Variants in CWC22 observed in about 807,000 individuals in gnomAD.
CWC22 encodes the protein pre-mRNA-splicing factor CWC22 homolog.
Under a neutral mutation model 117.2 loss-of-function variants are expected in CWC22, and 53 were observed. The ratio of observed to expected loss-of-function variants is 0.45; its 90% CI spans 0.36 to 0.57. The LOEUF (loss-of-function observed/expected upper bound fraction) is 0.57, where lower values mean the gene tolerates loss of function less well. Ranked by LOEUF, CWC22 falls within the 20% of genes least tolerant of loss-of-function variation. CWC22 has a pLI of 0.00. For missense variants in CWC22, 980 were observed against 1,068.8 expected, an observed-to-expected ratio of 0.92 and a Z score of 1.16; for synonymous variants, 360 against 355.6, an observed-to-expected ratio of 1.01 and a Z score of -0.14.
chr2:179,999,211 T>C (rs1687784858), intron 1 of CWC22, among the ~76,000 whole-genome samples: 1 of 152,168 alleles, frequency 6.6e-6, no homozygotes, highest in African/African-American at 2.4e-5. Context: ...GTTCAACATA[T>C]GCATGCTAAT....
chr2:179,998,319 T>C (rs1052621845), intron 1 of CWC22, among the ~76,000 whole-genome samples: 2 of 152,122 alleles, frequency 1.3e-5, no homozygotes, highest in African/African-American at 2.4e-5. Context: ...AGAAGTGTTT[T>C]TTAAACTTGA....
At chr2:179,994,048 C>T (rs899833310) in intron 1 of CWC22, among the ~76,000 whole-genome samples, 1 of 152,082 alleles carries the variant, frequency 6.6e-6, no homozygotes, top group Non-Finnish European at 1.5e-5. Flanking sequence ...TCAGAATAAA[C>T]CTAGTCATCA....
chr2:179,967,207 C>G (rs1269538744), intron 11 of CWC22, among the ~76,000 whole-genome samples: 1 of 152,190 alleles, frequency 6.6e-6, no homozygotes, highest in African/African-American at 2.4e-5. Context: ...GCTGTGCCCA[C>G]TTCCTGCTGG....
At chr2:179,983,222 A>C (rs144679009) in intron 4 of CWC22, among the ~76,000 whole-genome samples, 1 of 152,136 alleles carries the variant, frequency 6.6e-6, no homozygotes, top group East Asian at 1.9e-4. Flanking sequence ...CCTAGTATTC[A>C]TTAGCTGTTT....
chr2:179,972,679 A>G (rs768287974), intron 8 of CWC22, among the ~76,000 whole-genome samples: 4 of 152,196 alleles, frequency 2.6e-5, no homozygotes, highest in African/African-American at 9.7e-5. Flanking sequence ...AAATATCTAA[A>G]GTGTTTTGAT....
chr2:179,962,557 A>G (rs1686780466), intron 13 of CWC22, among the ~76,000 whole-genome samples: 1 of 152,148 alleles, frequency 6.6e-6, no homozygotes. Flanking sequence ...CTCACATTTA[A>G]AACAATTCTC....
chr2:179,978,273 A>G lies in CWC22; in HGVS notation c.498T>C (p.Ile166=). ...RMSWEALKKS[I]NGLINKVNIS... Reference sequence around the variant, plus strand: ...TGTTGACTTTGTTGATAAGGCCATTAATTGACTTCTTCAGGGCCTCCCAAC... The same window carrying G: ...TGTTGACTTTGTTGATAAGGCCATTGATTGACTTCTTCAGGGCCTCCCAAC... Residue 166 remains isoleucine, a synonymous_variant, in exon 6 of 20, where the codon ATT becomes ATC. Transcript: ENST00000410053. 6.4e-7 allele frequency: 1 copy of G among 1,561,252 alleles called. No individual in the cohort carries two copies. The highest frequency in any genetic ancestry group is 8.7e-7 in the Non-Finnish European group (1 of 1,154,788).
chr2:179,969,294 T>C (rs1686972206), intron 11 of CWC22, among the ~76,000 whole-genome samples: 1 of 152,166 alleles, frequency 6.6e-6, no homozygotes, highest in East Asian at 1.9e-4. Flanking sequence ...AGTTCTCTGT[T>C]TGGAAATGAA....
chr2:179,988,201 T>C (rs1428540918), intron 3 of CWC22, among the ~76,000 whole-genome samples: 2 of 152,098 alleles, frequency 1.3e-5, no homozygotes, highest in Non-Finnish European at 2.9e-5. Context: ...TGTTATAATC[T>C]ATATAAAAAT....
intron 4 of CWC22, among the ~76,000 whole-genome samples, chr2:179,982,724 T>C (rs1687316208): frequency 6.6e-6 from 1 of 152,188 alleles, no homozygotes; most frequent in African/African-American, 2.4e-5. Context: ...TATCCTTTCT[T>C]AAGCTGAGGC....
intron 1 of CWC22, among the ~76,000 whole-genome samples, chr2:180,005,944 T>C (rs1268738442): frequency 6.6e-6 from 1 of 152,216 alleles, no homozygotes; most frequent in Non-Finnish European, 1.5e-5. Flanking sequence ...CACAAGTGGC[T>C]TTCCTCCACC....
At chr2:179,991,059 A>G (rs1022876997) in intron 2 of CWC22, among the ~76,000 whole-genome samples, 4 of 152,222 alleles carry the variant, frequency 2.6e-5, no homozygotes, top group African/African-American at 4.8e-5. Context: ...TGAAAATACT[A>G]TACAGTCAGA....
intron 1 of CWC22, among the ~76,000 whole-genome samples, chr2:179,996,920 A>T (rs1404335867): frequency 2.6e-5 from 4 of 152,030 alleles, no homozygotes; most frequent in Non-Finnish European, 1.5e-5. Flanking sequence ...AAAAAACAAC[A>T]ACTAAGAGAA....
At chr2:179,961,074 G>A (rs1247502905) in intron 13 of CWC22, among the ~76,000 whole-genome samples, 1 of 151,788 alleles carries the variant, frequency 6.6e-6, no homozygotes, top group African/African-American at 2.4e-5. Flanking sequence ...CCTAAACACA[G>A]GGCATCTACA....
intron 2 of CWC22, among the ~76,000 whole-genome samples, chr2:179,989,397 C>A (rs1687504276): frequency 6.6e-6 from 1 of 151,958 alleles, no homozygotes; most frequent in South Asian, 2.1e-4. Context: ...GTACTTACCT[C>A]CTATCTCCTT....
intron 19 of CWC22, among the ~76,000 whole-genome samples, chr2:179,946,055 G>C (rs559379796): frequency 6.6e-6 from 1 of 152,030 alleles, no homozygotes; most frequent in Non-Finnish European, 1.5e-5. Context: ...GCTAATTTTC[G>C]TATTTTTAGT....
At chr2:179,951,534 T>C (rs543999872) in intron 17 of CWC22, among the ~76,000 whole-genome samples, 1 of 152,068 alleles carries the variant, frequency 6.6e-6, no homozygotes, top group South Asian at 2.1e-4. Flanking sequence ...CAGAAAAAGG[T>C]ACAATATAAG....
chr2:179,995,494 T>C (rs1390413519), intron 1 of CWC22, among the ~76,000 whole-genome samples: 1 of 152,204 alleles, frequency 6.6e-6, no homozygotes, highest in African/African-American at 2.4e-5. Context: ...TACACTGTTT[T>C]CCTCTAAGAA....
chr2:179,954,971 C>CA lies in CWC22; in HGVS notation c.1521dup (p.Gly508TrpfsTer19). The CA allele has an allele frequency of 6.3e-7, 1 of 1,596,342 alleles. No individual in the cohort carries two copies. ...CTGGAACTCACCCCAGCTAATAAGC[C>CA]AAAAAATTTTTCGTATGTCCTCTGT... On this transcript the variant is annotated frameshift_variant, in exon 15 of 20. Transcript: ENST00000410053. LOFTEE classifies it high-confidence loss of function.
Sources: allele counts gnomAD v4.1 joint callset (sites outside exome capture counted in the v4.1 genomes callset), GRCh38; gene constraint gnomAD v4.1.1; transcripts MANE v1.5; gene names NCBI Gene and HGNC (gene_info 2026-07-23, HGNC 2026-07-21).